Variants in MYCBP2 observed in about 807,000 individuals in gnomAD.
The protein encoded by MYCBP2 is E3 ubiquitin-protein ligase MYCBP2.
MYCBP2 carries 120 observed loss-of-function variants against 525.3 expected under a neutral mutation model. That is an observed-to-expected ratio of 0.23 (90% CI 0.20 to 0.27). MYCBP2 has a LOEUF of 0.27. MYCBP2 is among the 10% of genes least tolerant of loss of function. The pLI is 1.00. For missense variants in MYCBP2, 4,149 were observed against 5,657.1 expected, an observed-to-expected ratio of 0.73 and a Z score of 8.55; for synonymous variants, 1,894 against 1,955.8, an observed-to-expected ratio of 0.97 and a Z score of 0.83.
intron 47 of MYCBP2, among the ~76,000 whole-genome samples, chr13:77,149,828 A>G (rs1029653492): frequency 8.5e-5 from 13 of 152,174 alleles, no homozygotes; most frequent in Admixed American, 5.9e-4. Context: ...ATCTATCCTC[A>G]TTGACAACTC....
chr13:77,296,794 A>G, intron 1 of MYCBP2, 120 bp from the exon 2 acceptor site: 2 of 782,722 alleles, frequency 2.6e-6, no homozygotes, highest in Non-Finnish European at 1.9e-6. Context: ...AAATTTCTTT[A>G]TGTGAAACAA....
rs540915365 is a variant in MYCBP2 at position 77,302,751 on chromosome 13, A to T, written c.303-6077T>A. 1.3e-3 allele frequency among the ~76,000 whole-genome samples: 197 copies of T among 152,340 alleles called. No homozygotes were observed. The Middle Eastern group carries it at 0.02, about 16-fold the overall frequency. On this transcript the variant is annotated intron_variant, in intron 1 of 82. Coordinates refer to ENST00000544440, the MANE Select transcript of MYCBP2 (RefSeq NM_015057.5). Reference sequence around the variant, plus strand: ...GCACACTCTCCAGTGTCCCAAAAAAAGTTGGAGTGGCTATTTTAATATTTG... The same window carrying T: ...GCACACTCTCCAGTGTCCCAAAAAATGTTGGAGTGGCTATTTTAATATTTG...
intron 82 of MYCBP2, among the ~76,000 whole-genome samples, chr13:77,049,104 C>T (rs1164711490): frequency 6.6e-6 from 1 of 152,016 alleles, no homozygotes. Flanking sequence ...CAATAATTGC[C>T]CTTCCTCCAA....
At chr13:77,207,326 C>G (rs1452046121) in intron 23 of MYCBP2, among the ~76,000 whole-genome samples, 4 of 152,184 alleles carry the variant, frequency 2.6e-5, no homozygotes, top group Non-Finnish European at 1.5e-5. Flanking sequence ...TATGAATAAA[C>G]AGTAAAAACC....
At chr13:77,093,403 C>A in intron 58 of MYCBP2, 71 bp from the exon 59 acceptor site, 1 of 1,344,018 alleles carries the variant, frequency 7.4e-7, no homozygotes, top group Admixed American at 2.0e-5. Context: ...TAATCTCTTT[C>A]ATAACAGGAA....
At chr13:77,094,404 A>G (rs1363970265) in intron 58 of MYCBP2, among the ~76,000 whole-genome samples, 1 of 152,174 alleles carries the variant, frequency 6.6e-6, no homozygotes, top group Non-Finnish European at 1.5e-5. Context: ...TAGTCTCCAC[A>G]TTAGCTTCCA....
At chr13:77,210,223 C>CA (rs1308211493) in intron 23 of MYCBP2, among the ~76,000 whole-genome samples, 1 of 141,694 alleles carries the variant, frequency 7.1e-6, no homozygotes, top group East Asian at 2.1e-4. Flanking sequence ...TTTTTTGAGA[C>CA]AGAGTCTCGC....
At chr13:77,149,554 T>C (rs1430000519) in intron 47 of MYCBP2, among the ~76,000 whole-genome samples, 1 of 152,176 alleles carries the variant, frequency 6.6e-6, no homozygotes, top group East Asian at 1.9e-4. Flanking sequence ...GTGCTAATGA[T>C]TCCTGAATCC....
At position 77,068,583 on chromosome 13, in the gene MYCBP2, A is replaced by C; in HGVS notation, c.12153T>G (p.Ser4051=). Residue 4051 remains serine (S), a synonymous_variant, in exon 70 of 83, where the codon TCT becomes TCG. Coordinates refer to ENST00000544440, the MANE Select transcript of MYCBP2 (RefSeq NM_015057.5). ...QDLFSLLHTA[S]PRVQRQVTSL... is the part of the protein sequence containing the mutation. ...CAGTCACCTGTCTCTGGACTCTAGG[A>C]GAGGCTGTGTGAAGCAGCGAGAAGA... is the stretch of plus-strand genomic sequence containing the variant. The C allele has an allele frequency of 6.2e-7, 1 of 1,614,158 alleles. No individual in the cohort carries two copies. Among genetic ancestry groups the C allele is most frequent in the Non-Finnish European group, 8.5e-7 (1 of 1,180,006 alleles).
intron 55 of MYCBP2, among the ~76,000 whole-genome samples, chr13:77,102,252 C>G (rs1337165096): frequency 1.3e-5 from 2 of 151,630 alleles, no homozygotes; most frequent in African/African-American, 4.8e-5. Flanking sequence ...TGCTATTACA[C>G]ACAATACTAT....
chr13:77,245,409 G>A (rs1405049871), intron 15 of MYCBP2, among the ~76,000 whole-genome samples: 2 of 152,120 alleles, frequency 1.3e-5, no homozygotes, highest in East Asian at 3.8e-4. Flanking sequence ...TATTCACTAT[G>A]GAATACTATG....
chr13:77,270,469 C>T lies in MYCBP2; in HGVS notation c.1015G>A (p.Asp339Asn), dbSNP rs1467849753. 1 of 1,613,692 alleles carries T rather than the reference C, an allele frequency of 6.2e-7. No homozygotes were observed. The highest frequency in any genetic ancestry group is 1.7e-5 in the Admixed American group (1 of 60,006). Residue 339 changes from aspartate (D) to asparagine (N), a missense_variant, in exon 6 of 83, where the codon GAC becomes AAC. By Grantham distance (23) the Asp-to-Asn change is conservative. Coordinates refer to ENST00000544440, the MANE Select transcript of MYCBP2 (RefSeq NM_015057.5). Reference sequence around the variant, plus strand: ...TTCTTAATGCCATTACTAAACCAGTCCTGAATTTGAATTTTTCCCACCAAA... The same window carrying T: ...TTCTTAATGCCATTACTAAACCAGTTCTGAATTTGAATTTTTCCCACCAAA... ...AVLVGKIQIQ[D>N]WFSNGIKKAA...
chr13:77,210,177 A>G (rs1191989818), intron 23 of MYCBP2, among the ~76,000 whole-genome samples: 1 of 151,796 alleles, frequency 6.6e-6, no homozygotes, highest in African/African-American at 2.4e-5. Context: ...CATTTTGTAT[A>G]TAAAGCACCA....
At chr13:77,210,747 A>C (rs1251937614) in intron 23 of MYCBP2, among the ~76,000 whole-genome samples, 2 of 152,224 alleles carry the variant, frequency 1.3e-5, no homozygotes, top group Non-Finnish European at 2.9e-5. Context: ...ATTCTATACA[A>C]TATAAACAGG....
chr13:77,230,952 C>T (rs938864125), intron 18 of MYCBP2, among the ~76,000 whole-genome samples: 2 of 151,912 alleles, frequency 1.3e-5, no homozygotes, highest in African/African-American at 2.4e-5. Flanking sequence ...TTCAACATGT[C>T]GTAAAAGTAA....
At chr13:77,156,848 T>A (rs1243595518) in intron 45 of MYCBP2, among the ~76,000 whole-genome samples, 5 of 152,222 alleles carry the variant, frequency 3.3e-5, no homozygotes, top group Non-Finnish European at 5.9e-5. Context: ...CATAAAAACG[T>A]CTGCATAGTA....
chr13:77,097,686 A>G lies in MYCBP2; in HGVS notation c.9468T>C (p.Leu3156=). The G allele has an allele frequency of 1.2e-6, 2 of 1,613,790 alleles. No homozygotes were observed. Among genetic ancestry groups the G allele is most frequent in the Non-Finnish European group, 1.7e-6 (2 of 1,179,810 alleles). Residue 3156 remains leucine (L), a synonymous_variant, in exon 56 of 83, where the codon CTT becomes CTC. Coordinates refer to ENST00000544440, the MANE Select transcript of MYCBP2 (RefSeq NM_015057.5). The part of the protein sequence containing the change: ...MHNTMKSKSP[L]PLTLQHLVAF... ...CCACTAAATGTTGTAAAGTTAAGGG[A>G]AGAGGAGACTTAGACTTCATTGTGT...
intron 53 of MYCBP2, 45 bp downstream of exon 53, chr13:77,126,273 T>G (rs1566626021): frequency 6.5e-7 from 1 of 1,535,296 alleles, no homozygotes; most frequent in Non-Finnish European, 8.9e-7. Flanking sequence ...TGTATTACAT[T>G]AAAAATGAGT....
At chr13:77,304,772 A>T (rs1468340602) in intron 1 of MYCBP2, among the ~76,000 whole-genome samples, 1 of 152,146 alleles carries the variant, frequency 6.6e-6, no homozygotes, top group Non-Finnish European at 1.5e-5. Flanking sequence ...CAAATATTTT[A>T]AAATAAAATG....
Sources: gnomAD v4.1 joint callset for allele counts (sites outside exome capture counted in the v4.1 genomes callset) on GRCh38, gnomAD v4.1.1 for gene constraint, MANE v1.5 for transcripts, NCBI Gene and HGNC (gene_info 2026-07-23, HGNC 2026-07-21) for gene names.